SNX29: variants seen among roughly 807,000 people sequenced by gnomAD.
SNX29 encodes sorting nexin 29.
Under a neutral mutation model 102.1 loss-of-function variants are expected in SNX29, and 78 were observed. The ratio of observed to expected loss-of-function variants is 0.76; its 90% CI spans 0.64 to 0.92. SNX29 has a LOEUF of 0.92. SNX29 is among the 40% of genes least tolerant of loss of function. The pLI, the probability that SNX29 is intolerant of heterozygous loss-of-function variation, is 0.00. For missense variants in SNX29, 1,280 were observed against 1,061.7 expected (o/e 1.21, Z -2.86); for synonymous variants, 580 against 414.5 (o/e 1.40, Z -4.85).
intron 13 of SNX29, among the ~76,000 whole-genome samples, chr16:12,161,866 C>T (rs1304778001): frequency 6.6e-6 from 1 of 152,140 alleles, no homozygotes. Flanking sequence ...TGCTGGACCG[C>T]GTTTCTTACA....
intron 18 of SNX29, among the ~76,000 whole-genome samples, chr16:12,422,269 C>A (rs75213095): frequency 1.3e-5 from 2 of 152,230 alleles, no homozygotes; most frequent in Non-Finnish European, 2.9e-5. Context: ...CATCTGCAAA[C>A]AGAGATGAAA....
chr16:12,430,160 T>G (rs2085252568), intron 18 of SNX29, among the ~76,000 whole-genome samples: 1 of 152,186 alleles, frequency 6.6e-6, no homozygotes, highest in South Asian at 2.1e-4. Flanking sequence ...TGCCCAAAGA[T>G]CTGAGGGGAA....
At chr16:12,305,496 G>T (rs2080310892) in intron 15 of SNX29, among the ~76,000 whole-genome samples, 1 of 152,170 alleles carries the variant, frequency 6.6e-6, no homozygotes, top group African/African-American at 2.4e-5. Context: ...TCTTCAGAAG[G>T]AGCAGGAGTG....
chr16:12,321,233 T>G (rs1263845782), intron 15 of SNX29, among the ~76,000 whole-genome samples: 1 of 151,952 alleles, frequency 6.6e-6, no homozygotes, highest in African/African-American at 2.4e-5. Context: ...CCCCCTTAGT[T>G]CCCCACGCAG....
intron 10 of SNX29, among the ~76,000 whole-genome samples, chr16:12,072,013 A>T (rs1372445005): frequency 6.6e-6 from 1 of 152,168 alleles, no homozygotes; most frequent in Non-Finnish European, 1.5e-5. Flanking sequence ...TTGTACATTG[A>T]TTTTGTATCC....
At chr16:12,110,952 G>A (rs933265332) in intron 11 of SNX29, among the ~76,000 whole-genome samples, 1 of 152,018 alleles carries the variant, frequency 6.6e-6, no homozygotes, top group Admixed American at 6.5e-5. Context: ...GAGTAGCTGA[G>A]ATCACAGGTG....
intron 18 of SNX29, among the ~76,000 whole-genome samples, chr16:12,414,989 C>T (rs1167480423): frequency 2.0e-5 from 3 of 152,216 alleles, no homozygotes; most frequent in Non-Finnish European, 2.9e-5. Flanking sequence ...TCCCAAAGTG[C>T]TGGAATTACA....
intron 16 of SNX29, among the ~76,000 whole-genome samples, chr16:12,395,797 A>G (rs1024049237): frequency 6.6e-6 from 1 of 151,364 alleles, no homozygotes; most frequent in African/African-American, 2.4e-5. Context: ...CTTTATTGCC[A>G]GAATATAAAA....
At chr16:12,274,974 G>A (rs1429472988) in intron 14 of SNX29, among the ~76,000 whole-genome samples, 1 of 152,082 alleles carries the variant, frequency 6.6e-6, no homozygotes, top group African/African-American at 2.4e-5. Flanking sequence ...GTTTGCTTTT[G>A]AAGTGTTTTC....
At chr16:12,234,055 A>G (rs2077849843) in intron 14 of SNX29, among the ~76,000 whole-genome samples, 2 of 152,296 alleles carry the variant, frequency 1.3e-5, no homozygotes, top group Admixed American at 6.5e-5. Context: ...TAATGTTGCA[A>G]TGAACATTCA....
In SNX29 at chr16:12,058,495, G is replaced by GTTTTTT. The variant is rs1249420541; in HGVS notation, c.1125-3022_1125-3017dup. On this transcript the variant is annotated intron_variant, in intron 8 of 20. Coordinates refer to ENST00000566228, the MANE Select transcript of SNX29 (RefSeq NM_032167.5). ...CTGGTGTTTTTTTTTTTGGTTTTTG[G>GTTTTTT]TTTTTTTTTTTTTTTTGAGATGGAG... Among the ~76,000 whole-genome samples, 591 of 106,464 alleles carry GTTTTTT rather than the reference G, an allele frequency of 5.6e-3. 31 individuals carry two copies. Among genetic ancestry groups the GTTTTTT allele is most frequent in the Middle Eastern group, 6.8e-3 (1 of 146 alleles). The allele number at this position is 106,464 out of a possible 152,430, so 69.8% of individuals were successfully genotyped here.
intron 14 of SNX29, among the ~76,000 whole-genome samples, chr16:12,237,145 A>C (rs891276378): frequency 6.6e-6 from 1 of 152,176 alleles, no homozygotes; most frequent in Admixed American, 6.5e-5. Flanking sequence ...CCCAGTCTCC[A>C]GAGTAGGCAG....
At chr16:12,564,548 G>A (rs1358197886) in intron 20 of SNX29, among the ~76,000 whole-genome samples, 1 of 152,134 alleles carries the variant, frequency 6.6e-6, no homozygotes, top group Non-Finnish European at 1.5e-5. Context: ...TAAGGCCTTT[G>A]GCAACCCATT....
intron 13 of SNX29, among the ~76,000 whole-genome samples, chr16:12,188,176 C>T (rs771250846): frequency 1.6e-4 from 24 of 152,202 alleles, no homozygotes; most frequent in African/African-American, 2.2e-4. Context: ...AATTACTAAC[C>T]GCTAACATTT....
In SNX29 at chr16:12,570,353, C is replaced by A; in HGVS notation, c.*1724C>A. 3.5e-6 allele frequency: 2 copies of A among 567,534 alleles called. No individual in the cohort carries two copies. The highest frequency in any genetic ancestry group is 4.7e-6 in the Non-Finnish European group (2 of 423,408). The allele number at this position is 567,534 out of a possible 1,614,324, so 35.2% of individuals were successfully genotyped here. ...GGTCTCCCTCCCACTCACCTGCCAACATTGCTGCAATACACATGGTTTATC... is the reference window on the plus strand; with the variant it reads ...GGTCTCCCTCCCACTCACCTGCCAAAATTGCTGCAATACACATGGTTTATC... On this transcript the variant is annotated 3_prime_UTR_variant, in exon 21 of 21. Transcript: ENST00000566228.
chr16:12,351,599 C>A (rs1184375875), intron 15 of SNX29, among the ~76,000 whole-genome samples: 1 of 152,016 alleles, frequency 6.6e-6, no homozygotes, highest in African/African-American at 2.4e-5. Flanking sequence ...AATTTGTAAT[C>A]CTTTTCTGAT....
chr16:12,212,996 C>T (rs983193363), intron 14 of SNX29, among the ~76,000 whole-genome samples: 9 of 152,180 alleles, frequency 5.9e-5, no homozygotes, highest in Non-Finnish European at 1.2e-4. Context: ...CACCTGTAAT[C>T]CCAGCTACTC....
At chr16:12,152,706 C>T (rs975072370) in intron 13 of SNX29, among the ~76,000 whole-genome samples, 2 of 152,192 alleles carry the variant, frequency 1.3e-5, no homozygotes, top group African/African-American at 4.8e-5. Flanking sequence ...GTACATACAC[C>T]ACAGGTCCCT....
At position 12,391,702 on chromosome 16, in the gene SNX29, C is replaced by T. The variant is rs1055689004; in HGVS notation, c.1900-6744C>T. ...GCATTTCATAGTAAATTGCAGATGT[C>T]GGTATATGTTTCTCCCAAAATACTT... On this transcript the variant is annotated intron_variant, in intron 16 of 20. Transcript: ENST00000566228. Among the ~76,000 whole-genome samples, 7 of 152,138 alleles carry T rather than the reference C, an allele frequency of 4.6e-5. No homozygotes were observed. In the South Asian group the frequency reaches 6.2e-4, roughly 14 times the overall value.
Sources: gnomAD v4.1 joint callset for allele counts (sites outside exome capture counted in the v4.1 genomes callset) on GRCh38, gnomAD v4.1.1 for gene constraint, MANE v1.5 for transcripts, NCBI Gene and HGNC (gene_info 2026-07-23, HGNC 2026-07-21) for gene names.